The following RNF17 variants were observed in gnomAD, a reference collection of about 807,000 sequenced individuals.
The protein encoded by RNF17 is ring finger protein 17.
In RNF17, 31 loss-of-function variants were observed where a neutral mutation model predicts 200.5. The observed-to-expected ratio is 0.15, with a 90% confidence interval of 0.12 to 0.21. The LOEUF (loss-of-function observed/expected upper bound fraction) is 0.21, where lower values mean the gene tolerates loss of function less well. Among genes scored for constraint, RNF17 ranks in the 10% least tolerant of loss-of-function variants. The pLI, the probability that RNF17 is intolerant of heterozygous loss-of-function variation, is 1.00. For synonymous variants in RNF17, 606 were observed against 637.8 expected (o/e 0.95, Z 0.75); for missense variants, 1,628 against 1,905.1 (o/e 0.85, Z 2.71).
At chr13:24,778,052 AG>A (rs899055101) in intron 3 of RNF17, among the ~76,000 whole-genome samples, 1 of 152,150 alleles carries the variant, frequency 6.6e-6, no homozygotes, top group Non-Finnish European at 1.5e-5. Context: ...ACTTGAGCTT[AG>A]GATTTTGAGA....
chr13:24,884,125 G>A (rs1420475627), downstream of RNF17: 57 of 1,592,986 alleles, frequency 3.6e-5, no homozygotes, highest in Non-Finnish European at 4.6e-5. Context: ...TTGAAGGAAG[G>A]GAAGAATTTA....
chr13:24,825,378 T>A (rs1266478422), intron 15 of RNF17, among the ~76,000 whole-genome samples: 1 of 152,208 alleles, frequency 6.6e-6, no homozygotes, highest in East Asian at 1.9e-4. Flanking sequence ...GAAAAATATC[T>A]TGAAGAATAT....
downstream of RNF17, among the ~76,000 whole-genome samples, chr13:24,881,221 A>C (rs940907391): frequency 6.6e-6 from 1 of 151,340 alleles, no homozygotes; most frequent in Non-Finnish European, 1.5e-5. Flanking sequence ...GTCTCAGCTC[A>C]CTGCAACCTC....
the RNF17 span, chr13:24,885,932 A>C: frequency 2.0e-6 from 1 of 489,346 alleles, no homozygotes; most frequent in South Asian, 2.2e-5. Context: ...GACAGACCCA[A>C]ATGTATTTCA....
At chr13:24,774,666 C>T (rs1044647336) in intron 2 of RNF17, 147 bp from the exon 3 acceptor site, 5 of 475,548 alleles carry the variant, frequency 1.1e-5, no homozygotes, top group Non-Finnish European at 1.5e-5. Context: ...CATATAAGCA[C>T]GGTTTTCTCC....
chr13:24,843,516 TA>T (rs1555282443), intron 19 of RNF17, among the ~76,000 whole-genome samples: 91 of 149,656 alleles, frequency 6.1e-4, no homozygotes, highest in Non-Finnish European at 1.1e-3. Context: ...AGACTCCATT[TA>T]AAAAAAAAAA....
intron 15 of RNF17, among the ~76,000 whole-genome samples, chr13:24,807,422 T>TGTCTTTTGGCTGCATAAATGTC (rs1886027954): frequency 6.6e-6 from 1 of 152,218 alleles, no homozygotes; most frequent in Non-Finnish European, 1.5e-5. Context: ...TTTTTTCATG[T>TGTCTTTTGGCTGCATAAATGTC]GTCTTTTGGC....
At chr13:24,789,314 T>G in intron 7 of RNF17, 34 bp from the exon 8 acceptor site, 2 of 1,365,184 alleles carry the variant, frequency 1.5e-6, no homozygotes. Context: ...TGTGACAAGA[T>G]TCACACATGA....
chr13:24,764,295 A>G lies in RNF17; in HGVS notation c.92A>G (p.Gln31Arg). Residue 31 changes from glutamine to arginine, a missense_variant, in exon 1 of 36, where the codon CAG becomes CGG. Physicochemically the swap from Gln to Arg is conservative, Grantham distance 43 (BLOSUM62 1). This residue lies in a region of RNF17 where 502 missense variants were observed against 501.7 expected (regional missense o/e 1.00). Transcript: ENST00000255324. ...KSQPWGAAEIQCTRCGRRVSR... is the reference protein window; with the variant it reads ...KSQPWGAAEIRCTRCGRRVSR... ...CAGCCCTGGGGTGCCGCTGAAATCCAGTGCACCAGGTGTGGAAGGAGGGTA... is the reference window on the plus strand; with the variant it reads ...CAGCCCTGGGGTGCCGCTGAAATCCGGTGCACCAGGTGTGGAAGGAGGGTA... 6.2e-7 allele frequency: 1 copy of G among 1,611,662 alleles called. No individual in the cohort carries two copies. The highest frequency in any genetic ancestry group is 1.3e-5 in the African/African-American group (1 of 75,028).
At chr13:24,800,301 G>T in intron 12 of RNF17, 65 bp from the exon 13 acceptor site, 1 of 1,155,484 alleles carries the variant, frequency 8.7e-7, no homozygotes, top group East Asian at 2.4e-5. Context: ...CATACCTTCT[G>T]TGGGGGAAAA....
intron 11 of RNF17, among the ~76,000 whole-genome samples, chr13:24,796,688 T>G (rs1234182343): frequency 6.6e-6 from 1 of 152,202 alleles, no homozygotes; most frequent in Non-Finnish European, 1.5e-5. Context: ...CACCTGAGAT[T>G]CAGGAGGCCT....
At chr13:24,838,586 A>G (rs758266463) in intron 18 of RNF17, among the ~76,000 whole-genome samples, 2 of 152,200 alleles carry the variant, frequency 1.3e-5, no homozygotes, top group South Asian at 2.1e-4. Context: ...CATGATCTCA[A>G]TAGATGCAGA....
chr13:24,804,842 A>G (rs1885659416), intron 15 of RNF17, among the ~76,000 whole-genome samples: 1 of 152,190 alleles, frequency 6.6e-6, no homozygotes, highest in Non-Finnish European at 1.5e-5. Flanking sequence ...TGTGTGACTG[A>G]TGTGTTTAGA....
intron 25 of RNF17, among the ~76,000 whole-genome samples, chr13:24,856,244 A>T (rs1892477428): frequency 6.6e-6 from 1 of 151,738 alleles, no homozygotes; most frequent in Admixed American, 6.6e-5. Flanking sequence ...ATGTGGTGAA[A>T]CCCCATCTCT....
intron 15 of RNF17, among the ~76,000 whole-genome samples, chr13:24,813,641 C>G (rs1307565246): frequency 6.7e-6 from 1 of 150,184 alleles, no homozygotes; most frequent in African/African-American, 2.4e-5. Context: ...TTTTTTTTTT[C>G]TTTTCTTGAG....
chr13:24,838,486 C>G (rs894464478), intron 18 of RNF17, among the ~76,000 whole-genome samples: 1 of 152,114 alleles, frequency 6.6e-6, no homozygotes, highest in Non-Finnish European at 1.5e-5. Context: ...AATCCATGAT[C>G]AAGTGAGTTT....
At chr13:24,804,145 C>T (rs986644849) in intron 14 of RNF17, 143 bp from the exon 15 acceptor site, 4 of 679,678 alleles carry the variant, frequency 5.9e-6, no homozygotes, top group Middle Eastern at 4.0e-4. Flanking sequence ...CCCTGTGGTC[C>T]CAGCTACTTG....
At position 24,799,477 on chromosome 13, in the gene RNF17, A is replaced by T; in HGVS notation, c.1482A>T (p.Arg494Ser). The T allele has an allele frequency of 1.2e-6, 2 of 1,609,214 alleles. No homozygotes were observed. The highest frequency in any genetic ancestry group is 2.2e-5 in the South Asian group (2 of 90,912). Residue 494 changes from arginine (R) to serine (S), a missense_variant, in exon 12 of 36, where the codon AGA (arginine) becomes AGT (serine). Transcript: ENST00000255324. ...CAGAATTAATTCCAATAGAGGGTAG[A>T]AATACCAGAAAACCTTGTAGTCCAA... Reference protein sequence around the residue: ...TITELIPIEGRNTRKPCSPTR... With the variant: ...TITELIPIEGSNTRKPCSPTR...
chr13:24,857,606 G>GA lies in RNF17; in HGVS notation c.3611-1389dup, dbSNP rs1442686143. Reference sequence around the variant, plus strand: ...TTACACAAGTTTGGAGGCTCTCTATGAAAAAAGAATACAGGCTGGGTGCGG... The same window carrying GA: ...TTACACAAGTTTGGAGGCTCTCTATGAAAAAAAGAATACAGGCTGGGTGCGG... On this transcript the variant is annotated intron_variant, in intron 25 of 35. Coordinates refer to ENST00000255324, the MANE Select transcript of RNF17 (RefSeq NM_031277.3). Among the ~76,000 whole-genome samples, 10 of 152,330 alleles carry GA rather than the reference G, an allele frequency of 6.6e-5. No individual in the cohort carries two copies. In the East Asian group the frequency reaches 1.9e-3, roughly 29 times the overall value.
Sources: allele counts gnomAD v4.1 joint callset (sites outside exome capture counted in the v4.1 genomes callset), GRCh38; gene constraint gnomAD v4.1.1; regional missense constraint gnomAD v4.1.1; transcripts MANE v1.5; gene names NCBI Gene and HGNC (gene_info 2026-07-23, HGNC 2026-07-21).